Variants in FAT4 observed in about 807,000 individuals in gnomAD.
The protein encoded by FAT4 is protocadherin Fat 4.
A neutral mutation model predicts 303.9 loss-of-function variants in FAT4; 84 were observed. That is an observed-to-expected ratio of 0.28 (90% confidence interval 0.23 to 0.33). The LOEUF (loss-of-function observed/expected upper bound fraction) is 0.33. Ranked by LOEUF, FAT4 falls within the 10% of genes least tolerant of loss-of-function variation. The probability of loss-of-function intolerance (pLI) is 1.00; values close to 1 mark genes in which losing one functional copy is unlikely to be tolerated. For synonymous variants in FAT4, 2,307 were observed against 2,298.8 expected (o/e 1.00, Z -0.10); for missense variants, 6,005 against 6,146.8 (o/e 0.98, Z 0.77).
chr4:125,451,432 C>T lies in FAT4; in HGVS notation c.10422C>T (p.Thr3474=), dbSNP rs555872298. The change falls in exon 10 of 18, where the codon ACC becomes ACT. Residue 3474 remains threonine (T), a synonymous_variant. Transcript: ENST00000394329. ...ITVTAELDRE[T]LPIYNLSVLA... is the part of the protein sequence containing the mutation. ...TTACTGCAGAATTAGATCGAGAAAC[C>T]CTTCCCATCTATAATCTCTCAGTTT... 6.2e-7 allele frequency: 1 copy of T among 1,614,098 alleles called. No individual in the cohort carries two copies. The highest frequency in any genetic ancestry group is 1.3e-5 in the African/African-American group (1 of 75,028).
chr4:125,485,124 T>C (rs1261491743), intron 16 of FAT4, among the ~76,000 whole-genome samples: 2 of 152,150 alleles, frequency 1.3e-5, no homozygotes, highest in African/African-American at 4.8e-5. Flanking sequence ...AGAGAGTCAT[T>C]AAGCAAGTGG....
At chr4:125,466,839 T>A (rs953721773) in intron 11 of FAT4, among the ~76,000 whole-genome samples, 15 of 151,150 alleles carry the variant, frequency 9.9e-5, no homozygotes, top group Non-Finnish European at 1.9e-4. Context: ...CAGTGGCATG[T>A]TCTAGGCTCA....
intron 7 of FAT4, among the ~76,000 whole-genome samples, chr4:125,426,626 A>T (rs1027137233): frequency 2.6e-5 from 4 of 152,070 alleles, no homozygotes; most frequent in Non-Finnish European, 5.9e-5. Flanking sequence ...TCTACATAGA[A>T]TTTTATTTGT....
rs777451150 is a variant in FAT4, at chr4:125,490,578, A to G, written c.13762A>G (p.Arg4588Gly). The G allele has an allele frequency of 7.4e-6, 12 of 1,614,062 alleles. No individual in the cohort carries two copies. The Admixed American group carries it at 1.5e-4, about 20-fold the overall frequency. The change falls in exon 18 of 18, where the codon AGG becomes GGG. Residue 4588 changes from arginine to glycine, a missense_variant. By Grantham distance (125) the Arg-to-Gly change is moderately radical. Coordinates refer to ENST00000394329, the MANE Select transcript of FAT4 (RefSeq NM_001291303.3). ...EGNPKPDIIE[R>G]ENPYLIYDET... is the part of the protein sequence containing the mutation. Reference sequence around the variant, plus strand: ...GAACCCAAAACCAGATATCATTGAAAGGGAAAACCCCTACCTTATCTATGA... The same window carrying G: ...GAACCCAAAACCAGATATCATTGAAGGGGAAAACCCCTACCTTATCTATGA...
chr4:125,456,272 C>A (rs982892782), intron 10 of FAT4, among the ~76,000 whole-genome samples: 1 of 152,046 alleles, frequency 6.6e-6, no homozygotes, highest in African/African-American at 2.4e-5. Context: ...AGTCTGGTGA[C>A]TCCAGGGCCA....
chr4:125,365,732 AC>A lies in FAT4; in HGVS notation c.5176-33051del, dbSNP rs138799260. On this transcript the variant is annotated intron_variant, in intron 2 of 17. Transcript: ENST00000394329. The stretch of plus-strand genomic sequence containing the variant: ...TAAAGTAATAGAAAATGAATATTTG[AC>A]TAAAACTAGTATGGGAAACAGAAAC... 5.5e-3 allele frequency among the ~76,000 whole-genome samples: 844 copies of A among 152,344 alleles called. 36 individuals carry two copies. The East Asian group carries it at 0.082, about 15-fold the overall frequency.
intron 3 of FAT4, 46 bp from the exon 4 acceptor site, chr4:125,406,834 T>C (rs777250611): frequency 1.3e-6 from 2 of 1,585,158 alleles, no homozygotes; most frequent in South Asian, 1.2e-5. Flanking sequence ...TAAGGAGCAA[T>C]GCTTTTCTAC....
chr4:125,488,160 T>C (rs1727478012), intron 17 of FAT4, among the ~76,000 whole-genome samples: 1 of 152,308 alleles, frequency 6.6e-6, no homozygotes, highest in East Asian at 1.9e-4. Flanking sequence ...GATGAAAGTG[T>C]ACGAAAGGTT....
At chr4:125,480,945 T>G (rs2126086723) in intron 15 of FAT4, among the ~76,000 whole-genome samples, 1 of 152,226 alleles carries the variant, frequency 6.6e-6, no homozygotes, top group Admixed American at 6.5e-5. Flanking sequence ...TTTCTATAAC[T>G]TAAGCTTCAA....
chr4:125,470,796 T>G lies in FAT4; in HGVS notation c.12213+1977T>G, dbSNP rs530742815. 2.3e-4 allele frequency among the ~76,000 whole-genome samples: 35 copies of G among 152,362 alleles called. No individual in the cohort carries two copies. The Middle Eastern group carries it at 0.01, about 44-fold the overall frequency. Reference sequence around the variant, plus strand: ...TATCAGCAATAAGGCTGTCTTGCTTTCTTATCATTTGTATATTCACTGGAG... The same window carrying G: ...TATCAGCAATAAGGCTGTCTTGCTTGCTTATCATTTGTATATTCACTGGAG... On this transcript the variant is annotated intron_variant, in intron 12 of 17. Coordinates refer to ENST00000394329, the MANE Select transcript of FAT4 (RefSeq NM_001291303.3).
At chr4:125,367,375 A>G (rs556971627) in intron 2 of FAT4, among the ~76,000 whole-genome samples, 1 of 152,308 alleles carries the variant, frequency 6.6e-6, no homozygotes, top group East Asian at 1.9e-4. Flanking sequence ...GAAATGAAGA[A>G]CACAAAGGTT....
chr4:125,379,749 C>T (rs977587882), intron 2 of FAT4, among the ~76,000 whole-genome samples: 3 of 151,678 alleles, frequency 2.0e-5, no homozygotes, highest in African/African-American at 4.9e-5. Context: ...TATGAGCCAC[C>T]GCGCTTGGCC....
At position 125,413,053 on chromosome 4, in the gene FAT4, TATAG is replaced by T. The variant is rs754579852; in HGVS notation, c.5921-1827_5921-1824del. On this transcript the variant is annotated intron_variant, in intron 5 of 17. Transcript: ENST00000394329. ...ATTAAAAATAAATTCTGTGTGTATA[TATAG>T]ATACTCAAATATGTATATGTTATAA... Among the ~76,000 whole-genome samples, 26 of 151,906 alleles carry T rather than the reference TATAG, an allele frequency of 1.7e-4. No homozygotes were observed. The East Asian group carries it at 4.8e-3, about 28-fold the overall frequency.
intron 2 of FAT4, among the ~76,000 whole-genome samples, chr4:125,372,229 G>A (rs543429135): frequency 2.4e-4 from 36 of 152,086 alleles, no homozygotes; most frequent in Non-Finnish European, 4.1e-4. Flanking sequence ...AGCTGTGGTG[G>A]TACACACCTG....
At chr4:125,390,740 T>C (rs1275900645) in intron 2 of FAT4, among the ~76,000 whole-genome samples, 1 of 152,168 alleles carries the variant, frequency 6.6e-6, no homozygotes, top group Non-Finnish European at 1.5e-5. Flanking sequence ...TCATGGTGTT[T>C]AGTGTAGCAG....
chr4:125,327,888 A>C (rs932988417), intron 2 of FAT4, among the ~76,000 whole-genome samples: 30 of 152,162 alleles, frequency 2.0e-4, no homozygotes, highest in African/African-American at 7.2e-4. Flanking sequence ...CATTAGAGTG[A>C]AAAACTGCCT....
At chr4:125,439,768 T>G (rs1269057473) in intron 8 of FAT4, among the ~76,000 whole-genome samples, 1 of 152,222 alleles carries the variant, frequency 6.6e-6, no homozygotes, top group Non-Finnish European at 1.5e-5. Context: ...TGTAGATATC[T>G]ATATAAATGC....
At chr4:125,429,450 G>A (rs1376524389) in intron 7 of FAT4, among the ~76,000 whole-genome samples, 3 of 152,144 alleles carry the variant, frequency 2.0e-5, no homozygotes, top group Non-Finnish European at 2.9e-5. Context: ...TCTGCAATAA[G>A]AGTGGCAGAG....
chr4:125,420,234 TAG>T (rs1305819355), intron 7 of FAT4, among the ~76,000 whole-genome samples: 2 of 152,304 alleles, frequency 1.3e-5, no homozygotes, highest in East Asian at 3.9e-4. Flanking sequence ...TATGAGTATA[TAG>T]AGTTTGTTTA....
Sources: allele counts gnomAD v4.1 joint callset (sites outside exome capture counted in the v4.1 genomes callset), GRCh38; gene constraint gnomAD v4.1.1; transcripts MANE v1.5; gene names NCBI Gene and HGNC (gene_info 2026-07-23, HGNC 2026-07-21).